The following TBC1D14 variants were observed in gnomAD, a reference collection of about 807,000 sequenced individuals.
TBC1D14 encodes the protein TBC1 domain family member 14.
A neutral mutation model predicts 79.0 loss-of-function variants in TBC1D14; 26 were observed. The observed-to-expected ratio is 0.33, with a 90% CI of 0.24 to 0.46. The LOEUF (loss-of-function observed/expected upper bound fraction) is 0.46, where lower values mean the gene tolerates loss of function less well. Ranked by LOEUF, TBC1D14 falls within the 20% of genes least tolerant of loss-of-function variation. The probability of loss-of-function intolerance (pLI) is 1.00; values close to 1 mark genes in which losing one functional copy is unlikely to be tolerated. For synonymous variants in TBC1D14, 394 were observed against 349.9 expected (o/e 1.13, Z -1.40); for missense variants, 769 against 887.6 (o/e 0.87, Z 1.70).
At chr4:6,947,874 T>TA in intron 2 of TBC1D14, among the ~76,000 whole-genome samples, 1 of 152,286 alleles carries the variant, frequency 6.6e-6, no homozygotes, top group East Asian at 1.9e-4. Context: ...GAATACCTTT[T>TA]AATGCAGTTC....
intron 2 of TBC1D14, among the ~76,000 whole-genome samples, chr4:6,964,022 C>T (rs529157123): frequency 1.3e-5 from 2 of 152,292 alleles, no homozygotes; most frequent in African/African-American, 4.8e-5. Flanking sequence ...TCTCGAACTC[C>T]TGGGCTCAGG....
At chr4:6,911,464 C>A (rs896725182) in intron 1 of TBC1D14, among the ~76,000 whole-genome samples, 5 of 152,208 alleles carry the variant, frequency 3.3e-5, no homozygotes, top group African/African-American at 9.6e-5. Context: ...CACTTTGCAC[C>A]GAGCTGGGCC....
chr4:7,012,100 A>G (rs986732465), intron 11 of TBC1D14, among the ~76,000 whole-genome samples: 4 of 151,774 alleles, frequency 2.6e-5, no homozygotes, highest in African/African-American at 9.7e-5. Context: ...GGAGTAACAC[A>G]CGAGGCCTGG....
intron 9 of TBC1D14, among the ~76,000 whole-genome samples, chr4:7,008,991 T>C (rs868419375): frequency 2.0e-5 from 3 of 152,194 alleles, no homozygotes; most frequent in Non-Finnish European, 2.9e-5. Context: ...CTATTTTTCC[T>C]TTTGTCCCTC....
intron 2 of TBC1D14, among the ~76,000 whole-genome samples, chr4:6,958,800 C>T (rs1305146541): frequency 1.3e-5 from 2 of 152,110 alleles, no homozygotes; most frequent in Admixed American, 6.5e-5. Context: ...CTCTCACCCT[C>T]GAAAGCCGGA....
rs566406161 is a variant in TBC1D14 at position 7,004,495 on chromosome 4, A to G, written c.1271-349A>G. Among the ~76,000 whole-genome samples, 3 of 152,216 alleles carry G rather than the reference A, an allele frequency of 2.0e-5. No homozygotes were observed. In the East Asian group the frequency reaches 5.8e-4, roughly 29 times the overall value. ...TCAATTCCAGTGCTGTGTGTTTTGG[A>G]TACAGAGGGAGTGAGAGAGCTTCAC... On this transcript the variant is annotated intron_variant, in intron 7 of 13. Coordinates refer to ENST00000409757, the MANE Select transcript of TBC1D14 (RefSeq NM_020773.3).
chr4:7,009,827 C>A, intron 9 of TBC1D14, 50 bp from the exon 10 acceptor site: 1 of 1,546,552 alleles, frequency 6.5e-7, no homozygotes, highest in Non-Finnish European at 8.9e-7. Context: ...TTCGTCTGAG[C>A]ACTAACAGTA....
intron 11 of TBC1D14, among the ~76,000 whole-genome samples, chr4:7,011,228 C>G (rs928570382): frequency 6.6e-6 from 1 of 151,990 alleles, no homozygotes; most frequent in Non-Finnish European, 1.5e-5. Flanking sequence ...AAAGGAGACA[C>G]GCTGGAGACC....
At chr4:6,994,839 G>A (rs1718846689) in intron 4 of TBC1D14, among the ~76,000 whole-genome samples, 2 of 150,598 alleles carry the variant, frequency 1.3e-5, no homozygotes, top group Admixed American at 1.3e-4. Context: ...ACTCCAGCCT[G>A]GGCAACAAGA....
chr4:6,915,116 G>A (rs1202301265), intron 1 of TBC1D14, among the ~76,000 whole-genome samples: 2 of 152,214 alleles, frequency 1.3e-5, no homozygotes, highest in Non-Finnish European at 2.9e-5. Context: ...AGTTCACAGG[G>A]AGGTGCCCCA....
At chr4:7,028,385 G>A (rs1374868935) in intron 13 of TBC1D14, among the ~76,000 whole-genome samples, 2 of 152,028 alleles carry the variant, frequency 1.3e-5, no homozygotes. Context: ...GTCTGATGAT[G>A]GGGGTGGGGG....
intron 8 of TBC1D14, among the ~76,000 whole-genome samples, chr4:7,005,557 G>A (rs1290683897): frequency 6.6e-6 from 1 of 151,976 alleles, no homozygotes; most frequent in Non-Finnish European, 1.5e-5. Flanking sequence ...AAATTAGCTA[G>A]GCGTGGTGAT....
intron 13 of TBC1D14, among the ~76,000 whole-genome samples, chr4:7,027,778 T>A (rs1350425008): frequency 1.0e-5 from 1 of 97,062 alleles, no homozygotes; most frequent in Non-Finnish European, 1.9e-5. Flanking sequence ...ACATCACACA[T>A]CCATACACAA....
At chr4:6,936,913 TTTAC>T (rs1417005021) in intron 2 of TBC1D14, among the ~76,000 whole-genome samples, 9 of 152,144 alleles carry the variant, frequency 5.9e-5, no homozygotes, top group Non-Finnish European at 7.4e-5. Context: ...TTTTTTTATT[TTTAC>T]TTACTTATTT....
At chr4:6,918,144 T>C (rs1723554311) in intron 1 of TBC1D14, among the ~76,000 whole-genome samples, 1 of 152,244 alleles carries the variant, frequency 6.6e-6, no homozygotes, top group African/African-American at 2.4e-5. Flanking sequence ...CTTTCTCTAC[T>C]TAAAGCCAGA....
chr4:6,994,928 C>T (rs1718860698), intron 4 of TBC1D14, among the ~76,000 whole-genome samples: 1 of 151,382 alleles, frequency 6.6e-6, no homozygotes, highest in African/African-American at 2.4e-5. Context: ...AAGTTGTATG[C>T]TGGGGAGAGA....
At chr4:6,909,654 G>C (rs1021808563), upstream of TBC1D14, 1 of 151,734 alleles carries the variant, frequency 6.6e-6, no homozygotes, top group Non-Finnish European at 1.5e-5. Context: ...GCCCCCGGAA[G>C]AGGGACAGCC....
intron 5 of TBC1D14, 40 bp downstream of exon 5, chr4:6,996,447 C>T: frequency 2.7e-6 from 4 of 1,466,562 alleles, no homozygotes; most frequent in Non-Finnish European, 3.8e-6. Context: ...TCAGGCAGCA[C>T]AGGGTTTGTG....
intron 11 of TBC1D14, among the ~76,000 whole-genome samples, chr4:7,013,942 A>G (rs1408220737): frequency 6.6e-6 from 1 of 151,996 alleles, no homozygotes; most frequent in African/African-American, 2.4e-5. Context: ...ATAGAGACGG[A>G]GTTTCACCGT....
Sources: gnomAD v4.1 joint callset for allele counts (sites outside exome capture counted in the v4.1 genomes callset) on GRCh38, gnomAD v4.1.1 for gene constraint, MANE v1.5 for transcripts, NCBI Gene and HGNC (gene_info 2026-07-23, HGNC 2026-07-21) for gene names.